The following NECAB1 variants were observed in gnomAD, a reference collection of about 807,000 sequenced individuals.
NECAB1 encodes N-terminal EF-hand calcium-binding protein 1.
A neutral mutation model predicts 57.5 loss-of-function variants in NECAB1; 29 were observed. The ratio of observed to expected loss-of-function variants is 0.50; its 90% CI spans 0.38 to 0.69. NECAB1 has a LOEUF of 0.69. NECAB1 is among the 30% of genes least tolerant of loss of function. The pLI, the probability that NECAB1 is intolerant of heterozygous loss-of-function variation, is 0.00. For synonymous variants in NECAB1, 142 were observed against 147.7 expected (o/e 0.96, Z 0.28); for missense variants, 372 against 413.8 (o/e 0.90, Z 0.88).
intron 3 of NECAB1, among the ~76,000 whole-genome samples, chr8:90,867,590 A>T (rs1808542712): frequency 6.6e-6 from 1 of 152,208 alleles, no homozygotes; most frequent in African/African-American, 2.4e-5. Context: ...TTACTGATCA[A>T]ACTCCCTTAT....
Position 90,928,208 on chromosome 8 carries a change from TC to T in NECAB1, c.617-10del. ...AAGTTTAACATATTGCCCTCATGAT[TC>T]CCCCTGGCCCCAGGCTTATTAGAAG... On this transcript the variant is annotated splice_polypyrimidine_tract_variant and intron_variant, in intron 7 of 12. Transcript: ENST00000417640. The T allele has an allele frequency of 6.3e-7, 1 of 1,587,004 alleles. No individual in the cohort carries two copies. The highest frequency in any genetic ancestry group is 1.1e-5 in the South Asian group (1 of 89,370).
intron 3 of NECAB1, among the ~76,000 whole-genome samples, chr8:90,868,557 C>T (rs1216892943): frequency 2.6e-5 from 4 of 152,062 alleles, no homozygotes; most frequent in African/African-American, 9.7e-5. Flanking sequence ...GCATTGTGCC[C>T]CTGTTCTAAG....
At chr8:90,932,557 G>A (rs928257434) in intron 8 of NECAB1, among the ~76,000 whole-genome samples, 6 of 152,186 alleles carry the variant, frequency 3.9e-5, no homozygotes, top group Admixed American at 3.9e-4. Context: ...TGATATTCGA[G>A]TTGAGATGTG....
At chr8:90,808,640 C>CTTTT (rs200075536) in intron 2 of NECAB1, among the ~76,000 whole-genome samples, 1,296 of 80,974 alleles carry the variant, frequency 0.016, 1 homozygote, top group East Asian at 0.025. Context: ...TTTTTCTTTT[C>CTTTT]TTTTTTTTTT....
chr8:90,801,494 A>G (rs1379233221), intron 1 of NECAB1, among the ~76,000 whole-genome samples, 197 bp from the exon 2 acceptor site: 3 of 152,116 alleles, frequency 2.0e-5, no homozygotes, highest in African/African-American at 7.2e-5. Flanking sequence ...TGGTTTGTTC[A>G]TTCACGGTTT....
intron 1 of NECAB1, among the ~76,000 whole-genome samples, chr8:90,798,475 G>T (rs1811701272): frequency 6.6e-6 from 1 of 152,070 alleles, no homozygotes; most frequent in Non-Finnish European, 1.5e-5. Flanking sequence ...TTAGTCCCCA[G>T]TGTATGTTGC....
At position 90,926,286 on chromosome 8, in the gene NECAB1, G is replaced by A. The variant is rs146811767; in HGVS notation, c.616+630G>A. On this transcript the variant is annotated intron_variant, in intron 7 of 12. Transcript: ENST00000417640. Reference sequence around the variant, plus strand: ...TCACTTGAACGTGTCATTTTAACACGAGTCTTTATCTAATATTCAGAAAAT... The same window carrying A: ...TCACTTGAACGTGTCATTTTAACACAAGTCTTTATCTAATATTCAGAAAAT... Among the ~76,000 whole-genome samples, 67 of 152,198 alleles carry A rather than the reference G, an allele frequency of 4.4e-4. No homozygotes were observed. In the East Asian group the frequency reaches 8.5e-3, roughly 19 times the overall value.
At chr8:90,822,586 G>A (rs1017978125) in intron 2 of NECAB1, among the ~76,000 whole-genome samples, 1 of 151,474 alleles carries the variant, frequency 6.6e-6, no homozygotes, top group African/African-American at 2.4e-5. Flanking sequence ...AATCATCAGA[G>A]CCCTTATTAA....
At chr8:90,868,639 C>T (rs1269633131) in intron 3 of NECAB1, among the ~76,000 whole-genome samples, 1 of 152,186 alleles carries the variant, frequency 6.6e-6, no homozygotes, top group Non-Finnish European at 1.5e-5. Context: ...AGCAGCAAAG[C>T]ATTCAAGATG....
intron 5 of NECAB1, among the ~76,000 whole-genome samples, chr8:90,903,039 A>G (rs1809545125): frequency 6.6e-6 from 1 of 152,080 alleles, no homozygotes; most frequent in African/African-American, 2.4e-5. Context: ...TATATCATAT[A>G]TGAATACAAT....
intron 5 of NECAB1, among the ~76,000 whole-genome samples, chr8:90,909,734 T>C (rs1311612316): frequency 6.6e-6 from 1 of 152,180 alleles, no homozygotes; most frequent in South Asian, 2.1e-4. Flanking sequence ...GCATGAAGAA[T>C]TCTTGCTTTG....
chr8:90,859,600 T>G (rs955161987), intron 3 of NECAB1, among the ~76,000 whole-genome samples: 1 of 152,142 alleles, frequency 6.6e-6, no homozygotes, highest in African/African-American at 2.4e-5. Context: ...TTTCAGTCCC[T>G]TGATGCTATC....
chr8:90,853,221 G>C (rs962421219), intron 3 of NECAB1, among the ~76,000 whole-genome samples: 3 of 152,234 alleles, frequency 2.0e-5, no homozygotes, highest in African/African-American at 7.2e-5. Flanking sequence ...GGTAACTCCT[G>C]CCAGTGCAGA....
intron 8 of NECAB1, 75 bp downstream of exon 8, chr8:90,928,374 A>G: frequency 9.3e-7 from 1 of 1,078,084 alleles, no homozygotes; most frequent in Non-Finnish European, 1.4e-6. Context: ...ATTGCTTTAT[A>G]TCCATGACTG....
intron 5 of NECAB1, among the ~76,000 whole-genome samples, chr8:90,909,684 G>A (rs550290866): frequency 1.4e-5 from 2 of 145,634 alleles, no homozygotes; most frequent in South Asian, 4.3e-4. Flanking sequence ...ATTTTGTTTT[G>A]TTTTTTACTC....
chr8:90,814,297 A>G (rs1317051760), intron 2 of NECAB1, among the ~76,000 whole-genome samples: 3 of 152,202 alleles, frequency 2.0e-5, no homozygotes, highest in Non-Finnish European at 4.4e-5. Context: ...CATATGATCA[A>G]TATGATTTAG....
chr8:90,932,946 A>T (rs902688981), intron 8 of NECAB1, among the ~76,000 whole-genome samples: 1 of 152,208 alleles, frequency 6.6e-6, no homozygotes, highest in Non-Finnish European at 1.5e-5. Flanking sequence ...TCAAAAGAAG[A>T]TATATAAAGG....
At chr8:90,891,827 G>A (rs1286364896) in intron 5 of NECAB1, among the ~76,000 whole-genome samples, 2 of 151,908 alleles carry the variant, frequency 1.3e-5, no homozygotes, top group African/African-American at 4.8e-5. Flanking sequence ...CCAAGTAGCT[G>A]GGACCACAGG....
chr8:90,906,702 G>T (rs1297372199), intron 5 of NECAB1, among the ~76,000 whole-genome samples: 1 of 151,668 alleles, frequency 6.6e-6, no homozygotes, highest in Non-Finnish European at 1.5e-5. Flanking sequence ...TAATCCTAAT[G>T]CCAAAATTGG....
Sources: gnomAD v4.1 joint callset for allele counts (sites outside exome capture counted in the v4.1 genomes callset) on GRCh38, gnomAD v4.1.1 for gene constraint, MANE v1.5 for transcripts, NCBI Gene and HGNC (gene_info 2026-07-23, HGNC 2026-07-21) for gene names.